LEPR: variants seen among roughly 807,000 people sequenced by gnomAD.
LEPR encodes the protein OB receptor.
In LEPR, 56 loss-of-function variants were observed where a neutral mutation model predicts 114.7. The observed-to-expected ratio is 0.49, with a 90% CI of 0.39 to 0.61. The LOEUF (loss-of-function observed/expected upper bound fraction) is 0.61. LEPR is among the 20% of genes least tolerant of loss of function. The pLI, the probability that LEPR is intolerant of heterozygous loss-of-function variation, is 0.00. For missense variants in LEPR, 1,202 were observed against 1,352.9 expected (o/e 0.89, Z 1.75); for synonymous variants, 443 against 461.4 (o/e 0.96, Z 0.51).
intron 2 of LEPR, among the ~76,000 whole-genome samples, chr1:65,454,702 G>T (rs898868366): frequency 6.6e-6 from 1 of 152,090 alleles, no homozygotes; most frequent in African/African-American, 2.4e-5. Flanking sequence ...CTTTCTCTCT[G>T]GCTGCCCTTA....
chr1:65,428,492 C>T (rs969451492), intron 2 of LEPR, among the ~76,000 whole-genome samples: 17 of 152,220 alleles, frequency 1.1e-4, no homozygotes, highest in African/African-American at 3.4e-4. Context: ...AACATACTAT[C>T]ATCCCTCTAG....
intron 2 of LEPR, among the ~76,000 whole-genome samples, chr1:65,460,622 C>A (rs933667554): frequency 6.6e-6 from 1 of 152,122 alleles, no homozygotes; most frequent in Non-Finnish European, 1.5e-5. Context: ...CGATGGCTCA[C>A]GCTTGGAATC....
chr1:65,435,334 T>C (rs1646543808), intron 2 of LEPR: 13 of 984,208 alleles, frequency 1.3e-5, no homozygotes, highest in African/African-American at 1.8e-5. Context: ...GGGAAATGCT[T>C]AGGTGGTGTC....
chr1:65,454,902 C>A (rs1204138870), intron 2 of LEPR, among the ~76,000 whole-genome samples: 1 of 152,144 alleles, frequency 6.6e-6, no homozygotes, highest in African/African-American at 2.4e-5. Context: ...CCATTCTCCC[C>A]GTCACTTTCA....
chr1:65,431,880 A>G (rs1557586090), intron 2 of LEPR: 1 of 1,614,086 alleles, frequency 6.2e-7, no homozygotes, highest in Non-Finnish European at 8.5e-7. Context: ...TTTTCCTTAT[A>G]TTTGGAAGAG....
intron 19 of LEPR, among the ~76,000 whole-genome samples, chr1:65,629,705 T>A (rs61781314): frequency 0.22 from 33,607 of 151,108 alleles, 4,024 homozygotes; most frequent in South Asian, 0.33. Context: ...GCTGTCTTTC[T>A]TTCTCCTTCC....
intron 5 of LEPR, among the ~76,000 whole-genome samples, chr1:65,584,716 ACATGG>A (rs1655205867): frequency 6.6e-6 from 1 of 152,128 alleles, no homozygotes; most frequent in African/African-American, 2.4e-5. Flanking sequence ...GCTAATGGGT[ACATGG>A]TCAAATATTA....
intron 2 of LEPR, among the ~76,000 whole-genome samples, chr1:65,535,422 G>A (rs1650698940): frequency 6.6e-6 from 1 of 151,624 alleles, no homozygotes; most frequent in Admixed American, 6.6e-5. Context: ...CTGAAGTGCA[G>A]TGGCATGATC....
chr1:65,616,927 G>A (rs766527374), intron 15 of LEPR, among the ~76,000 whole-genome samples: 72 of 152,046 alleles, frequency 4.7e-4, no homozygotes, highest in Non-Finnish European at 9.1e-4. Flanking sequence ...AATTGAATAT[G>A]CCCTATCTCT....
intron 19 of LEPR, among the ~76,000 whole-genome samples, chr1:65,628,071 T>C (rs189443396): frequency 4.9e-4 from 75 of 152,256 alleles, no homozygotes; most frequent in Non-Finnish European, 9.4e-4. Context: ...AAAAATCCAA[T>C]ATTTTGAATG....
chr1:65,604,612 G>A (rs187595216), intron 10 of LEPR, among the ~76,000 whole-genome samples: 32 of 152,234 alleles, frequency 2.1e-4, no homozygotes, highest in Admixed American at 1.7e-3. Context: ...CCACCGCACC[G>A]GGCCTTCTGC....
At chr1:65,621,491 A>G (rs1330592088) in intron 18 of LEPR, 33 bp downstream of exon 18, 3 of 1,575,734 alleles carry the variant, frequency 1.9e-6, no homozygotes, top group East Asian at 4.5e-5. Flanking sequence ...TCTTTACGGC[A>G]AAAGTCCTTA....
chr1:65,604,911 A>G lies in LEPR; in HGVS notation c.1404-127A>G, dbSNP rs540546151. The G allele has an allele frequency of 7.6e-5, 87 of 1,147,604 alleles. No homozygotes were observed. The Middle Eastern group carries it at 1.2e-3, about 16-fold the overall frequency. The allele number at this position is 1,147,604 out of a possible 1,614,324, so 71.1% of individuals were successfully genotyped here. A position where few individuals can be genotyped will look rare whatever the true frequency, so the allele number is the denominator to read the frequency against. On this transcript the variant is annotated intron_variant, in intron 10 of 19. Coordinates refer to ENST00000349533, the MANE Select transcript of LEPR (RefSeq NM_002303.6). ...CCCATTAGTGGAAAAATTGTCTTCC[A>G]TGAAACCGGTCCCTGGTGCCAAAAA...
At chr1:65,454,265 A>G (rs1223753393) in intron 2 of LEPR, among the ~76,000 whole-genome samples, 3 of 152,010 alleles carry the variant, frequency 2.0e-5, no homozygotes, top group Admixed American at 1.3e-4. Context: ...TTTAATTGGA[A>G]CGTTTAGTCC....
Position 65,572,432 on chromosome 1 carries a change from C to G in LEPR, c.477C>G (p.Val159=), listed in dbSNP as rs890198052. ...KNLFRNYNYK[V]HLLYVLPEVL... The stretch of plus-strand genomic sequence containing the variant: ...TATTCAGGAATTATAACTATAAGGT[C>G]CATCTTTTATATGTTCTGTAAGTAC... The change falls in exon 5 of 20, where the codon GTC becomes GTG. Residue 159 remains valine (V), a synonymous_variant. Transcript: ENST00000349533. The G allele has an allele frequency of 1.3e-6, 2 of 1,593,336 alleles. No individual in the cohort carries two copies. Among genetic ancestry groups the G allele is most frequent in the Non-Finnish European group, 1.7e-6 (2 of 1,167,544 alleles).
At chr1:65,518,911 T>TTCTTTCTTTCTTTCTTTCTC (rs1553160637) in intron 2 of LEPR, among the ~76,000 whole-genome samples, 1 of 85,228 alleles carries the variant, frequency 1.2e-5, no homozygotes, top group African/African-American at 3.8e-5. Flanking sequence ...CTTTCTTTCT[T>TTCTTTCTTTCTTTCTTTCTC]TCTTTCTCTC....
intron 2 of LEPR, among the ~76,000 whole-genome samples, chr1:65,535,266 T>C (rs1650685277): frequency 6.6e-6 from 1 of 151,288 alleles, no homozygotes; most frequent in African/African-American, 2.4e-5. Context: ...GGTATACTTA[T>C]CATATTAGAC....
In LEPR at chr1:65,633,683, C is replaced by T. The variant is rs989966531; in HGVS notation, c.2674-2508C>T. On this transcript the variant is annotated intron_variant, in intron 19 of 19. Transcript: ENST00000349533. This position sits in a 1 kb window ranked among gnomAD's most constrained non-coding sequence, Gnocchi z 4.1. The stretch of plus-strand genomic sequence containing the variant: ...TCCATTTTAGATTCCTTTATAGACA[C>T]GTCAGCCTAAAAATCAGCCTATTCG... 4.5e-5 allele frequency: 44 copies of T among 985,518 alleles called. No individual in the cohort carries two copies. Among genetic ancestry groups the T allele is most frequent in the South Asian group, 1.4e-4 (3 of 21,286 alleles). 61.0% of individuals were successfully genotyped at this position (985,518 alleles called of 1,614,324 possible).
chr1:65,488,220 C>T (rs369892594), intron 2 of LEPR, among the ~76,000 whole-genome samples: 6,680 of 43,032 alleles, frequency 0.16, 533 homozygotes, highest in Non-Finnish European at 0.19. Context: ...TTCTCTCTCT[C>T]TCTCTCTCTT....
Sources: gnomAD v4.1 joint callset for allele counts (sites outside exome capture counted in the v4.1 genomes callset) on GRCh38, gnomAD v4.1.1 for gene constraint, Gnocchi (gnomAD v3.1) non-coding constraint, MANE v1.5 for transcripts, NCBI Gene and HGNC (gene_info 2026-07-23, HGNC 2026-07-21) for gene names.